DHRSX: variants seen among roughly 807,000 people sequenced by gnomAD.
The protein encoded by DHRSX is polyprenol dehydrogenase.
Under a neutral mutation model 34.0 loss-of-function variants are expected in DHRSX, and 31 were observed. The observed-to-expected ratio is 0.91, with a 90% confidence interval of 0.69 to 1.23. The LOEUF (loss-of-function observed/expected upper bound fraction) is 1.23, where lower values mean the gene tolerates loss of function less well. Among genes scored for constraint, DHRSX ranks in the 50% most tolerant of loss-of-function variants. The pLI, the probability that DHRSX is intolerant of heterozygous loss-of-function variation, is 0.00. For missense variants in DHRSX, 414 were observed against 428.1 expected (o/e 0.97, Z 0.29); for synonymous variants, 201 against 183.8 (o/e 1.09, Z -0.76).
At chrX:2,384,442 G>A (rs1482594237) in intron 3 of DHRSX, among the ~76,000 whole-genome samples, 1 of 152,072 alleles carries the variant, frequency 6.6e-6, no homozygotes, top group Admixed American at 6.6e-5. Context: ...ACGAGGAAAC[G>A]CTGAGGAAAG....
chrX:2,473,166 A>G (rs2044619906), intron 1 of DHRSX, among the ~76,000 whole-genome samples: 3 of 152,220 alleles, frequency 2.0e-5, no homozygotes, highest in Admixed American at 2.0e-4. Flanking sequence ...CCCAGAAACA[A>G]GAGACAGGAC....
chrX:2,434,611 C>T (rs1375196493), intron 1 of DHRSX, among the ~76,000 whole-genome samples: 2 of 152,184 alleles, frequency 1.3e-5, no homozygotes, highest in African/African-American at 2.4e-5. Flanking sequence ...GTCGAGGCTG[C>T]GGCAAGCTAT....
At position 2,411,377 on chromosome X, in the gene DHRSX, C is replaced by T. The variant is rs1424619761; in HGVS notation, c.218-2564G>A. 2.6e-5 allele frequency among the ~76,000 whole-genome samples: 4 copies of T among 151,764 alleles called. No individual in the cohort carries two copies. The East Asian group carries it at 5.8e-4, about 22-fold the overall frequency. On this transcript the variant is annotated intron_variant, in intron 2 of 6. Transcript: ENST00000334651. ...CAGCCTGGCCAACATGAGGAAACCC[C>T]ATCTCTACTAAAAACACAAAAATTA...
intron 5 of DHRSX, among the ~76,000 whole-genome samples, chrX:2,266,017 C>T (rs2041460268): frequency 7.0e-6 from 1 of 142,318 alleles, no homozygotes; most frequent in African/African-American, 2.7e-5. Context: ...ACGCAGGAAG[C>T]ACTGTTCCCA....
chrX:2,237,320 C>T (rs1038393546), intron 6 of DHRSX, among the ~76,000 whole-genome samples: 11 of 152,102 alleles, frequency 7.2e-5, no homozygotes, highest in African/African-American at 2.2e-4. Flanking sequence ...ATGGCGGATA[C>T]AAATACATGC....
chrX:2,399,736 AAAAAAAC>A (rs1214011732), intron 3 of DHRSX, among the ~76,000 whole-genome samples: 3 of 143,190 alleles, frequency 2.1e-5, no homozygotes, highest in Non-Finnish European at 3.0e-5. Context: ...AAAAAAAAAA[AAAAAAAC>A]AAAAAAACAC....
At chrX:2,338,650 G>A (rs915005311) in intron 3 of DHRSX, among the ~76,000 whole-genome samples, 28 of 151,926 alleles carry the variant, frequency 1.8e-4, no homozygotes, top group African/African-American at 5.3e-4. Context: ...CTGTCTCTTC[G>A]TGTGGTCTCT....
At chrX:2,373,064 C>A (rs371193136) in intron 3 of DHRSX, among the ~76,000 whole-genome samples, 137 of 152,270 alleles carry the variant, frequency 9.0e-4, no homozygotes, top group Non-Finnish European at 1.3e-3. Flanking sequence ...GTTGGGGAGG[C>A]CTCACAATCA....
At chrX:2,229,788 G>A (rs189766881) in intron 6 of DHRSX, among the ~76,000 whole-genome samples, 3 of 151,982 alleles carry the variant, frequency 2.0e-5, no homozygotes, top group Non-Finnish European at 2.9e-5. Context: ...TGCGGGTATG[G>A]GCCTGCGTGT....
chrX:2,472,006 G>A (rs112724872), intron 1 of DHRSX, among the ~76,000 whole-genome samples: 31,571 of 151,332 alleles, frequency 0.21, 4,492 homozygotes, highest in African/African-American at 0.4. Context: ...TTAGCCGGGC[G>A]TGGTGGCATG....
At chrX:2,322,941 T>C (rs2042330779) in intron 3 of DHRSX, among the ~76,000 whole-genome samples, 1 of 152,016 alleles carries the variant, frequency 6.6e-6, no homozygotes, top group Non-Finnish European at 1.5e-5. Context: ...TTGTTGTTTT[T>C]GAGATGGAAT....
intron 3 of DHRSX, among the ~76,000 whole-genome samples, chrX:2,303,880 G>GATGGATGGATAA: frequency 1.4e-5 from 2 of 143,296 alleles, no homozygotes; most frequent in Non-Finnish European, 3.0e-5. Context: ...TGGATGGGTG[G>GATGGATGGATAA]ATGGATGGAT....
At chrX:2,443,460 A>C (rs939492762) in intron 1 of DHRSX, among the ~76,000 whole-genome samples, 2 of 152,060 alleles carry the variant, frequency 1.3e-5, no homozygotes, top group Admixed American at 1.3e-4. Flanking sequence ...AGTGATGTAC[A>C]TTCTCTACCC....
intron 3 of DHRSX, among the ~76,000 whole-genome samples, chrX:2,360,988 G>C (rs1234915500): frequency 6.6e-6 from 1 of 152,182 alleles, no homozygotes; most frequent in South Asian, 2.1e-4. Context: ...TGTGTGTTTA[G>C]TGATGATAAG....
intron 1 of DHRSX, among the ~76,000 whole-genome samples, chrX:2,484,942 G>A (rs1479834539): frequency 2.0e-5 from 3 of 151,490 alleles, no homozygotes; most frequent in African/African-American, 7.3e-5. Flanking sequence ...CCCACCAGCT[G>A]CCTCTTTACT....
Position 2,497,738 on chromosome X carries a change from T to C in DHRSX, c.109+3079A>G, listed in dbSNP as rs749751720. The stretch of plus-strand genomic sequence containing the variant: ...TACAGGTACCATCAATTTTCTCTCC[T>C]TTGCAAAACTCATTGATGTATCAGA... On this transcript the variant is annotated intron_variant, in intron 1 of 6. Coordinates refer to ENST00000334651, the MANE Select transcript of DHRSX (RefSeq NM_145177.3). Among the ~76,000 whole-genome samples the C allele has an allele frequency of 7.2e-5, 11 of 152,296 alleles. No individual in the cohort carries two copies. In the South Asian group the frequency reaches 2.3e-3, roughly 32 times the overall value.
At chrX:2,350,988 C>T (rs767121505) in intron 3 of DHRSX, among the ~76,000 whole-genome samples, 1 of 152,096 alleles carries the variant, frequency 6.6e-6, no homozygotes, top group Admixed American at 6.6e-5. Context: ...GAACAGAAAA[C>T]CAAACACTGC....
chrX:2,255,665 C>A (rs148849738), intron 5 of DHRSX, among the ~76,000 whole-genome samples: 1 of 151,892 alleles, frequency 6.6e-6, no homozygotes, highest in African/African-American at 2.4e-5. Flanking sequence ...AATCCCAGCA[C>A]ATTGGGAAGT....
intron 1 of DHRSX, among the ~76,000 whole-genome samples, chrX:2,433,649 G>A (rs1402805141): frequency 6.6e-6 from 1 of 152,066 alleles, no homozygotes; most frequent in Non-Finnish European, 1.5e-5. Context: ...GTGAGAACAT[G>A]TGGTGTTTGG....
Sources: gnomAD v4.1 joint callset for allele counts (sites outside exome capture counted in the v4.1 genomes callset) on GRCh38, gnomAD v4.1.1 for gene constraint, MANE v1.5 for transcripts, NCBI Gene and HGNC (gene_info 2026-07-23, HGNC 2026-07-21) for gene names.